The following FFAR4 variants were observed in gnomAD, a reference collection of about 807,000 sequenced individuals.
FFAR4 encodes the protein free fatty acid receptor 4.
A neutral mutation model predicts 27.0 loss-of-function variants in FFAR4; 19 were observed. The ratio of observed to expected loss-of-function variants is 0.70; its 90% CI spans 0.49 to 1.03. FFAR4 has a LOEUF of 1.03. Among genes scored for constraint, FFAR4 ranks in the 50% least tolerant of loss-of-function variants. The pLI is 0.00. For synonymous variants in FFAR4, 254 were observed against 215.6 expected (o/e 1.18, Z -1.56); for missense variants, 476 against 479.0 (o/e 0.99, Z 0.06).
At chr10:93,575,886 T>C (rs1422901801) in intron 1 of FFAR4, among the ~76,000 whole-genome samples, 1 of 152,108 alleles carries the variant, frequency 6.6e-6, no homozygotes, top group South Asian at 2.1e-4. Flanking sequence ...GAAAACATAA[T>C]CATGGCTATT....
chr10:93,583,124 C>T (rs985956743), intron 2 of FFAR4, among the ~76,000 whole-genome samples: 12 of 150,992 alleles, frequency 7.9e-5, no homozygotes, highest in African/African-American at 2.4e-4. Flanking sequence ...ACGCCTGGGC[C>T]GGGCGCGGTG....
chr10:93,576,321 C>A, intron 2 of FFAR4, 102 bp downstream of exon 2: 1 of 1,210,380 alleles, frequency 8.3e-7, no homozygotes, highest in Non-Finnish European at 1.2e-6. Context: ...AGAGTTCACG[C>A]CAGCTCAATC....
chr10:93,583,060 G>A (rs2058207665), intron 2 of FFAR4, among the ~76,000 whole-genome samples: 1 of 151,988 alleles, frequency 6.6e-6, no homozygotes, highest in Admixed American at 6.6e-5. Flanking sequence ...AATTCGAGAT[G>A]AGATTTGGTT....
In FFAR4 at chr10:93,587,395, A is replaced by T; in HGVS notation, c.872A>T (p.Asn291Ile). 6.2e-7 allele frequency: 1 copy of T among 1,613,102 alleles called. No homozygotes were observed. Among genetic ancestry groups the T allele is most frequent in the Non-Finnish European group, 8.5e-7 (1 of 1,179,766 alleles). Residue 291 changes from asparagine (N) to isoleucine (I), a missense_variant, in exon 3 of 3, where the codon AAC (asparagine) becomes ATC (isoleucine). Transcript: ENST00000371481. ...IITILLILIQNFKQDLVIWPS... is the reference protein window; with the variant it reads ...IITILLILIQIFKQDLVIWPS... ...ACCATCCTCCTCATCCTGATCCAGA[A>T]CTTCAAGCAAGACCTGGTCATCTGG...
rs778249659 is a variant in FFAR4, at chr10:93,566,843, G to T, written c.123G>T (p.Ala41=). The change falls in exon 1 of 3, where the codon GCG becomes GCT. Residue 41 remains alanine, a synonymous_variant. Coordinates refer to ENST00000371481, the MANE Select transcript of FFAR4 (RefSeq NM_001195755.2). ...GCGACCACCGGCTGGTGCTGGCCGC[G>T]GTGGAGACAACCGTGCTGGTGCTCA... ...VKGDHRLVLA[A]VETTVLVLIF... is the part of the protein sequence containing the mutation. The T allele has an allele frequency of 5.6e-6, 9 of 1,600,700 alleles. No homozygotes were observed. The East Asian group carries it at 2.0e-4, about 36-fold the overall frequency.
rs775131228 is a variant in FFAR4, at chr10:93,567,227, C to T, written c.507C>T (p.Ala169=). The stretch of plus-strand genomic sequence containing the variant: ...TCATCTGGGGCTATTCGGCGGTCGC[C>T]GCTCTGCCTCTCTGCGTCTTCTTCC... ...LALIWGYSAV[A]ALPLCVFFRV... Residue 169 remains alanine (A), a synonymous_variant, in exon 1 of 3, where the codon GCC becomes GCT. Transcript: ENST00000371481. 2.1e-5 allele frequency: 33 copies of T among 1,601,362 alleles called. No individual in the cohort carries two copies. The highest frequency in any genetic ancestry group is 1.6e-4 in the Middle Eastern group (1 of 6,064).
intron 1 of FFAR4, among the ~76,000 whole-genome samples, chr10:93,569,426 T>C (rs2134539515): frequency 6.6e-6 from 1 of 152,296 alleles, no homozygotes; most frequent in South Asian, 2.1e-4. Flanking sequence ...GGCCTTGGCA[T>C]AGGCAGGGGC....
At position 93,579,246 on chromosome 10, in the gene FFAR4, A is replaced by G. The variant is rs1184944875; in HGVS notation, c.696+3027A>G. 3.2e-6 allele frequency: 5 copies of G among 1,551,184 alleles called. No homozygotes were observed. The Admixed American group carries it at 8.3e-5, about 26-fold the overall frequency. ...TGAGTAACAGAGTAACAGAGCAAAT[A>G]TGTAATTTACATTCCATCACCACCC... On this transcript the variant is annotated intron_variant, in intron 2 of 2. Coordinates refer to ENST00000371481, the MANE Select transcript of FFAR4 (RefSeq NM_001195755.2).
chr10:93,576,333 T>G, intron 2 of FFAR4, 114 bp downstream of exon 2: 3 of 1,024,642 alleles, frequency 2.9e-6, no homozygotes, highest in Non-Finnish European at 3.0e-6. Flanking sequence ...AGCTCAATCT[T>G]GATTCACTGC....
intron 2 of FFAR4, among the ~76,000 whole-genome samples, chr10:93,580,288 C>T (rs2058190012): frequency 6.6e-6 from 1 of 152,220 alleles, no homozygotes; most frequent in Middle Eastern, 3.2e-3. Context: ...AGACAATTCA[C>T]AAATTGTTTG....
chr10:93,576,319 C>A, intron 2 of FFAR4, 100 bp downstream of exon 2: 1 of 1,242,250 alleles, frequency 8.0e-7, no homozygotes, highest in Non-Finnish European at 1.2e-6. Flanking sequence ...TAAGAGTTCA[C>A]GCCAGCTCAA....
chr10:93,583,559 G>C (rs1453023559), intron 2 of FFAR4, among the ~76,000 whole-genome samples: 3 of 152,190 alleles, frequency 2.0e-5, no homozygotes, highest in Admixed American at 1.3e-4. Flanking sequence ...TGGCATTAGA[G>C]TTTGGAGTTA....
At chr10:93,573,023 T>C (rs2134543106) in intron 1 of FFAR4, among the ~76,000 whole-genome samples, 1 of 152,320 alleles carries the variant, frequency 6.6e-6, no homozygotes, top group Middle Eastern at 3.4e-3. Context: ...AGCCTCCCTA[T>C]GCCCCTGGCC....
intron 2 of FFAR4, among the ~76,000 whole-genome samples, chr10:93,580,283 A>G (rs1564784427): frequency 6.6e-6 from 1 of 152,200 alleles, no homozygotes; most frequent in Non-Finnish European, 1.5e-5. Flanking sequence ...ATAACAGACA[A>G]TTCACAAATT....
chr10:93,585,284 G>A (rs2058220537), intron 2 of FFAR4, among the ~76,000 whole-genome samples: 1 of 152,134 alleles, frequency 6.6e-6, no homozygotes, highest in Non-Finnish European at 1.5e-5. Context: ...TCCACTGGTA[G>A]GAATTTATTC....
At chr10:93,579,366 C>T (rs1008057130) in intron 2 of FFAR4, among the ~76,000 whole-genome samples, 17 of 152,158 alleles carry the variant, frequency 1.1e-4, no homozygotes, top group African/African-American at 2.9e-4. Context: ...GGCTGTACTG[C>T]GCACTGGCCA....
Position 93,566,702 on chromosome 10 carries a change from G to T in FFAR4, c.-19G>T, listed in dbSNP as rs748958263. On this transcript the variant is annotated 5_prime_UTR_variant, in exon 1 of 3. Coordinates refer to ENST00000371481, the MANE Select transcript of FFAR4 (RefSeq NM_001195755.2). ...GATGAGCACTCTCTCAGACCGCTGC[G>T]GGCCGCCAGGCGCCGGGAATGTCCC... is the stretch of plus-strand genomic sequence containing the variant. 6.6e-7 allele frequency: 1 copy of T among 1,521,926 alleles called. No homozygotes were observed. Among genetic ancestry groups the T allele is most frequent in the Admixed American group, 1.9e-5 (1 of 53,892 alleles). 94.3% of individuals were successfully genotyped at this position (1,521,926 alleles called of 1,614,324 possible). A position where few individuals can be genotyped will look rare whatever the true frequency, so the allele number is the denominator to read the frequency against.
chr10:93,567,413 C>A, intron 1 of FFAR4, 126 bp downstream of exon 1: 2 of 815,896 alleles, frequency 2.5e-6, no homozygotes, highest in Non-Finnish European at 3.8e-6. Context: ...ATCGTTGTGC[C>A]AAATCTTGTG....
In FFAR4 at chr10:93,567,141, G is replaced by T; in HGVS notation, c.421G>T (p.Val141Leu). The change falls in exon 1 of 3, where the codon GTG (valine) becomes TTG (leucine). Residue 141 changes from valine to leucine, a missense_variant. Val to Leu is a conservative substitution (Grantham distance 32). Transcript: ENST00000371481. ...CAGCCTGGAGCGCATGGTGTGCATCGTGCACCTGCAGCGCGGCGTGCGGGG... is the reference window on the plus strand; with the variant it reads ...CAGCCTGGAGCGCATGGTGTGCATCTTGCACCTGCAGCGCGGCGTGCGGGG... ...AVSLERMVCI[V>L]HLQRGVRGPG... is the part of the protein sequence containing the mutation. 2 of 1,606,908 alleles carry T rather than the reference G, an allele frequency of 1.2e-6. No homozygotes were observed. Among genetic ancestry groups the T allele is most frequent in the South Asian group, 2.2e-5 (2 of 90,724 alleles).
Sources: gnomAD v4.1 joint callset for allele counts (sites outside exome capture counted in the v4.1 genomes callset) on GRCh38, gnomAD v4.1.1 for gene constraint, MANE v1.5 for transcripts, NCBI Gene and HGNC (gene_info 2026-07-23, HGNC 2026-07-21) for gene names.